Variants in COL6A6 observed in about 807,000 individuals in gnomAD.
COL6A6 encodes the protein collagen type VI alpha 6 chain.
In COL6A6, 183 loss-of-function variants were observed where a neutral mutation model predicts 208.6. The observed-to-expected ratio is 0.88, with a 90% confidence interval of 0.78 to 0.99. The LOEUF is 0.99. Among genes scored for constraint, COL6A6 ranks in the 50% least tolerant of loss-of-function variants. The pLI, the probability that COL6A6 is intolerant of heterozygous loss-of-function variation, is 0.00. For synonymous variants in COL6A6, 973 were observed against 1,011.8 expected, an observed-to-expected ratio of 0.96 and a Z score of 0.73; for missense variants, 2,816 against 2,815.2, an observed-to-expected ratio of 1.00 and a Z score of -0.01.
chr3:130,526,012 C>A (rs1385141138), intron 1 of COL6A6, among the ~76,000 whole-genome samples: 1 of 151,618 alleles, frequency 6.6e-6, no homozygotes, highest in Non-Finnish European at 1.5e-5. Context: ...TTTTAATGTA[C>A]AAACCCTATT....
intron 1 of COL6A6, among the ~76,000 whole-genome samples, chr3:130,528,882 A>G (rs2062019602): frequency 1.3e-5 from 2 of 152,188 alleles, no homozygotes; most frequent in Non-Finnish European, 2.9e-5. Context: ...ACAAGGTCGG[A>G]AGATCGAAAC....
chr3:130,611,426 G>A (rs897374731), intron 23 of COL6A6, among the ~76,000 whole-genome samples: 3 of 152,120 alleles, frequency 2.0e-5, no homozygotes, highest in Admixed American at 1.3e-4. Context: ...TCACCTACCT[G>A]CTATCATAGT....
intron 1 of COL6A6, among the ~76,000 whole-genome samples, chr3:130,547,558 TGCCGAG>T (rs1359855329): frequency 6.6e-6 from 1 of 152,224 alleles, no homozygotes; most frequent in Admixed American, 6.5e-5. Flanking sequence ...CCAGAGCAGA[TGCCGAG>T]GCCGAGGAGG....
At chr3:130,588,527 G>C (rs1187674393) in intron 11 of COL6A6, among the ~76,000 whole-genome samples, 2 of 152,170 alleles carry the variant, frequency 1.3e-5, no homozygotes, top group African/African-American at 2.4e-5. Context: ...CCTACAGCAA[G>C]TGCTTCCAAA....
In COL6A6 at chr3:130,565,158, G is replaced by A. The variant is rs749647512; in HGVS notation, c.826G>A (p.Glu276Lys). The change falls in exon 4 of 37, where the codon GAG (glutamate) becomes AAG (lysine). Residue 276 changes from glutamate to lysine, a missense_variant. Coordinates refer to ENST00000358511, the MANE Select transcript of COL6A6 (RefSeq NM_001102608.3). ...MRVGLVAYSN[E>K]TKVINSLSMG... ...GGTTGGCCTTGTGGCCTATAGCAAT[G>A]AGACAAAAGTGATAAATTCACTGAG... 6.2e-7 allele frequency: 1 copy of A among 1,613,998 alleles called. No individual in the cohort carries two copies. Among genetic ancestry groups the A allele is most frequent in the South Asian group, 1.1e-5 (1 of 91,084 alleles).
At chr3:130,635,242 AAAT>A (rs964982995) in intron 27 of COL6A6, among the ~76,000 whole-genome samples, 6 of 152,160 alleles carry the variant, frequency 3.9e-5, no homozygotes, top group African/African-American at 1.4e-4. Context: ...CTCCAAAAAA[AAAT>A]AAAAGTAGAA....
At chr3:130,627,184 C>A in intron 25 of COL6A6, 135 bp from the exon 26 acceptor site, 1 of 699,868 alleles carries the variant, frequency 1.4e-6, no homozygotes, top group Non-Finnish European at 2.5e-6. Flanking sequence ...ATGTTGGTGG[C>A]CTGCCCTAGA....
chr3:130,546,423 C>T (rs955040195), intron 1 of COL6A6, among the ~76,000 whole-genome samples: 5 of 152,194 alleles, frequency 3.3e-5, no homozygotes, highest in African/African-American at 1.2e-4. Flanking sequence ...AAAGGCAGTG[C>T]AGACCCAAAG....
At chr3:130,648,952 CTTAAA>C (rs1559786080) in intron 32 of COL6A6, 112 bp from the exon 33 acceptor site, 3 of 821,134 alleles carry the variant, frequency 3.7e-6, no homozygotes, top group Non-Finnish European at 5.3e-6. Context: ...TGTTTTAATA[CTTAAA>C]TTATTCTCTT....
Position 130,525,054 on chromosome 3 carries a change from A to G in COL6A6, c.-32+7657A>G, listed in dbSNP as rs531803929. 4.6e-5 allele frequency among the ~76,000 whole-genome samples: 7 copies of G among 152,344 alleles called. No homozygotes were observed. In the South Asian group the frequency reaches 1.5e-3, roughly 32 times the overall value. On this transcript the variant is annotated intron_variant, in intron 1 of 36. Transcript: ENST00000358511. ...ATACATTATCACATTTAATCCTTAC[A>G]ACAACCCATTATCCTGCTTTCACAA...
intron 32 of COL6A6, among the ~76,000 whole-genome samples, chr3:130,646,657 TG>T (rs2065469481): frequency 6.6e-6 from 1 of 152,128 alleles, no homozygotes; most frequent in South Asian, 2.1e-4. Flanking sequence ...AGAACAGACC[TG>T]GGTATTTCCT....
rs1560063991 is a variant in COL6A6, at chr3:130,610,705, T to G, written c.4809T>G (p.Gly1603=). The G allele has an allele frequency of 2.5e-6, 4 of 1,582,816 alleles. No individual in the cohort carries two copies. Among genetic ancestry groups the G allele is most frequent in the Non-Finnish European group, 3.4e-6 (4 of 1,162,934 alleles). ...AAAAAGGAGGTGTGGGAAGTAAAGG[T>G]CCCCAGGTATGTAATGAGAAAAATG... The part of the protein sequence containing the change: ...KGEKGGVGSK[G]PQGPPGPGGE... Residue 1603 remains glycine (G), a synonymous_variant, in exon 23 of 37, where the codon GGT becomes GGG. Transcript: ENST00000358511.
intron 7 of COL6A6, among the ~76,000 whole-genome samples, chr3:130,573,245 C>T (rs1408587197): frequency 7.2e-5 from 11 of 152,136 alleles, no homozygotes. Flanking sequence ...TTGTTTGAAT[C>T]CCTAAATGTA....
In COL6A6 at chr3:130,643,135, G is replaced by C. The variant is rs1160784208; in HGVS notation, c.5227+112G>C. The C allele has an allele frequency of 4.5e-6, 5 of 1,102,620 alleles. 1 individual carries two copies. In the African/African-American group the frequency reaches 7.8e-5, roughly 17 times the overall value. 68.3% of individuals were successfully genotyped at this position (1,102,620 alleles called of 1,614,324 possible). On this transcript the variant is annotated intron_variant, in intron 31 of 36. Transcript: ENST00000358511. ...CAGCCAATTTCTTAAAATTGGAGAT[G>C]TCACTGCATGTATTTTTGAGTCAGC...
intron 24 of COL6A6, among the ~76,000 whole-genome samples, chr3:130,622,367 G>A (rs893705471): frequency 2.6e-5 from 4 of 152,062 alleles, no homozygotes; most frequent in African/African-American, 9.7e-5. Flanking sequence ...TTAGAACAGT[G>A]CCTGGCATGT....
At chr3:130,610,476 C>T (rs1360223625) in intron 22 of COL6A6, among the ~76,000 whole-genome samples, 173 bp from the exon 23 acceptor site, 1 of 152,166 alleles carries the variant, frequency 6.6e-6, no homozygotes, top group Admixed American at 6.5e-5. Context: ...ATTCATATTC[C>T]TGCACAAATG....
At chr3:130,604,453 C>G (rs1329795841) in intron 20 of COL6A6, among the ~76,000 whole-genome samples, 1 of 151,468 alleles carries the variant, frequency 6.6e-6, no homozygotes, top group Non-Finnish European at 1.5e-5. Context: ...CGAAATCGCG[C>G]CACTGCACTC....
intron 1 of COL6A6, among the ~76,000 whole-genome samples, chr3:130,540,959 GTGAACATA>G: frequency 6.6e-6 from 1 of 152,292 alleles, no homozygotes; most frequent in East Asian, 1.9e-4. Context: ...TAGTGCTGCA[GTGAACATA>G]TGTGTGCATA....
chr3:130,555,212 G>A (rs555501891), intron 1 of COL6A6, among the ~76,000 whole-genome samples: 1 of 152,224 alleles, frequency 6.6e-6, no homozygotes, highest in African/African-American at 2.4e-5. Context: ...TTCCAGTGTC[G>A]ATTTTGGGGT....
Sources: allele counts gnomAD v4.1 joint callset (sites outside exome capture counted in the v4.1 genomes callset), GRCh38; gene constraint gnomAD v4.1.1; transcripts MANE v1.5; gene names NCBI Gene and HGNC (gene_info 2026-07-23, HGNC 2026-07-21).